CDH6: variants seen among roughly 807,000 people sequenced by gnomAD.
CDH6 encodes cadherin 6, also known as cadherin-6.
CDH6 carries 31 observed loss-of-function variants against 78.0 expected under a neutral mutation model. That is an observed-to-expected ratio of 0.40 (90% CI 0.30 to 0.54). The LOEUF (loss-of-function observed/expected upper bound fraction) is 0.54. Ranked by LOEUF, CDH6 falls within the 20% of genes least tolerant of loss-of-function variation. The probability of loss-of-function intolerance (pLI) is 0.56; values close to 1 mark genes in which losing one functional copy is unlikely to be tolerated. For missense variants in CDH6, 724 were observed against 975.9 expected (o/e 0.74, Z 3.44); for synonymous variants, 376 against 368.8 (o/e 1.02, Z -0.23).
intron 1 of CDH6, among the ~76,000 whole-genome samples, chr5:31,217,681 C>T (rs1740904521): frequency 6.6e-6 from 1 of 152,120 alleles, no homozygotes; most frequent in Non-Finnish European, 1.5e-5. Context: ...AGGTAAAACA[C>T]AGTAACTGAT....
chr5:31,199,445 CACACACATATGT>C (rs1740264717), intron 1 of CDH6, among the ~76,000 whole-genome samples: 4 of 4,526 alleles, frequency 8.8e-4, no homozygotes, highest in Admixed American at 8.4e-3. Context: ...TGTATATATA[CACACACATATGT>C]GTATATATAC....
At chr5:31,304,165 T>C (rs1459829344) in intron 6 of CDH6, among the ~76,000 whole-genome samples, 1 of 150,334 alleles carries the variant, frequency 6.7e-6, no homozygotes. Context: ...CATTACCTCA[T>C]GCAAAAAACA....
At chr5:31,204,216 G>A (rs1048513628) in intron 1 of CDH6, among the ~76,000 whole-genome samples, 3 of 152,116 alleles carry the variant, frequency 2.0e-5, no homozygotes, top group Non-Finnish European at 4.4e-5. Flanking sequence ...TCTTTCCAAA[G>A]AGCACTGTGG....
At chr5:31,287,738 C>T (rs937820516) in intron 2 of CDH6, among the ~76,000 whole-genome samples, 16 of 152,210 alleles carry the variant, frequency 1.1e-4, no homozygotes, top group Admixed American at 2.6e-4. Context: ...TCTTAAAACA[C>T]AGCACTGGTG....
In CDH6 at chr5:31,313,466, C is replaced by T; in HGVS notation, c.1390+12C>T. 6.2e-7 allele frequency: 1 copy of T among 1,611,338 alleles called. No individual in the cohort carries two copies. The highest frequency in any genetic ancestry group is 8.5e-7 in the Non-Finnish European group (1 of 1,177,950). ...AGCAACAGAGATCAGTAAGTCCTAC[C>T]TAATACCGCTGCTGTCCCCTATTAA... On this transcript the variant is annotated intron_variant, in intron 8 of 11. Coordinates refer to ENST00000265071, the MANE Select transcript of CDH6 (RefSeq NM_004932.4).
At chr5:31,210,125 A>G (rs1740654369) in intron 1 of CDH6, among the ~76,000 whole-genome samples, 1 of 145,306 alleles carries the variant, frequency 6.9e-6, no homozygotes, top group Admixed American at 6.8e-5. Context: ...GAAGGCAAAT[A>G]CTTGAACAAA....
chr5:31,237,484 A>G (rs1193321198), intron 1 of CDH6, among the ~76,000 whole-genome samples: 1 of 152,214 alleles, frequency 6.6e-6, no homozygotes, highest in African/African-American at 2.4e-5. Context: ...GGCAGAGTCC[A>G]GTCTCTATCT....
At chr5:31,286,943 G>T (rs1466653272) in intron 2 of CDH6, among the ~76,000 whole-genome samples, 1 of 152,144 alleles carries the variant, frequency 6.6e-6, no homozygotes, top group African/African-American at 2.4e-5. Context: ...GTGGCAGAGG[G>T]TATGGCCTAG....
intron 2 of CDH6, among the ~76,000 whole-genome samples, chr5:31,286,140 C>T (rs1162029654): frequency 6.6e-6 from 1 of 152,078 alleles, no homozygotes; most frequent in Non-Finnish European, 1.5e-5. Context: ...TTCATTCATT[C>T]CTTGCTATCA....
intron 1 of CDH6, among the ~76,000 whole-genome samples, chr5:31,237,378 C>T (rs1450771818): frequency 6.6e-6 from 1 of 151,986 alleles, no homozygotes; most frequent in African/African-American, 2.4e-5. Flanking sequence ...GATCATATGG[C>T]GAACACTTTG....
In CDH6 at chr5:31,322,882, A is replaced by C; in HGVS notation, c.1947A>C (p.Lys649Asn). 6.2e-7 allele frequency: 1 copy of C among 1,614,170 alleles called. No individual in the cohort carries two copies. Among genetic ancestry groups the C allele is most frequent in the Non-Finnish European group, 8.5e-7 (1 of 1,180,024 alleles). Reference sequence around the variant, plus strand: ...AAAAAGAGCCTTTGATCATTTCCAAAGAGGACATCAGAGATAACATTGTCA... The same window carrying C: ...AAAAAGAGCCTTTGATCATTTCCAACGAGGACATCAGAGATAACATTGTCA... ...QRKKEPLIIS[K>N]EDIRDNIVSY... The change falls in exon 12 of 12, where the codon AAA (lysine) becomes AAC (asparagine). Residue 649 changes from lysine to asparagine, a missense_variant. Physicochemically the swap from Lys to Asn is moderately conservative, Grantham distance 94. Coordinates refer to ENST00000265071, the MANE Select transcript of CDH6 (RefSeq NM_004932.4).
Position 31,205,020 on chromosome 5 carries a change from GC to G in CDH6, c.-129+11135del, listed in dbSNP as rs1413283446. On this transcript the variant is annotated intron_variant, in intron 1 of 11. Transcript: ENST00000265071. ...AGCCCACCTGATACAAACATAAGATGCTTTATGGAATAGATAAATCCAGGTT... is the reference window on the plus strand; with the variant it reads ...AGCCCACCTGATACAAACATAAGATGTTTATGGAATAGATAAATCCAGGTT... Among the ~76,000 whole-genome samples the G allele has an allele frequency of 3.9e-5, 6 of 152,222 alleles. No individual in the cohort carries two copies. The East Asian group carries it at 1.2e-3, about 30-fold the overall frequency.
chr5:31,302,795 AGAG>A (rs778511723), intron 6 of CDH6, among the ~76,000 whole-genome samples: 14,881 of 59,464 alleles, frequency 0.25, 1,233 homozygotes, highest in East Asian at 0.3. Flanking sequence ...AGAGAGAGAG[AGAG>A]AGAAAGAAAG....
chr5:31,258,599 C>CAA (rs1742122635), intron 1 of CDH6, among the ~76,000 whole-genome samples: 1 of 151,850 alleles, frequency 6.6e-6, no homozygotes, highest in South Asian at 2.1e-4. Context: ...AACAAACCTG[C>CAA]ATGTTCTGCA....
At chr5:31,285,956 A>G (rs1343137406) in intron 2 of CDH6, among the ~76,000 whole-genome samples, 1 of 152,198 alleles carries the variant, frequency 6.6e-6, no homozygotes, top group Non-Finnish European at 1.5e-5. Context: ...AGTAATTGAT[A>G]AATTATCTGG....
intron 1 of CDH6, among the ~76,000 whole-genome samples, chr5:31,235,982 C>A (rs1741444150): frequency 6.6e-6 from 1 of 152,048 alleles, no homozygotes. Context: ...TTGATATTTG[C>A]ATTTCTATTT....
chr5:31,222,985 C>T (rs948264908), intron 1 of CDH6, among the ~76,000 whole-genome samples: 1 of 151,912 alleles, frequency 6.6e-6, no homozygotes, highest in Non-Finnish European at 1.5e-5. Context: ...TCTCTCTCTC[C>T]CGCACTTTTC....
chr5:31,262,841 C>T (rs891553213), intron 1 of CDH6, among the ~76,000 whole-genome samples: 4 of 152,162 alleles, frequency 2.6e-5, no homozygotes, highest in African/African-American at 9.7e-5. Context: ...CCACATGGTT[C>T]CCCTCTACTT....
At chr5:31,299,325 T>C in intron 4 of CDH6, 139 bp from the exon 5 acceptor site, 1 of 625,380 alleles carries the variant, frequency 1.6e-6, no homozygotes, top group Non-Finnish European at 2.8e-6. Flanking sequence ...AGGCTGCATA[T>C]AATTATTTTT....
Sources: allele counts gnomAD v4.1 joint callset (sites outside exome capture counted in the v4.1 genomes callset), GRCh38; gene constraint gnomAD v4.1.1; transcripts MANE v1.5; gene names NCBI Gene and HGNC (gene_info 2026-07-23, HGNC 2026-07-21).